ADGRL3: variants seen among roughly 807,000 people sequenced by gnomAD.
The protein encoded by ADGRL3 is adhesion G protein-coupled receptor L3.
ADGRL3 carries 62 observed loss-of-function variants against 153.5 expected under a neutral mutation model. The observed-to-expected ratio is 0.40, with a 90% CI of 0.33 to 0.50. The LOEUF is 0.50. ADGRL3 is among the 20% of genes least tolerant of loss of function. The pLI is 0.47. For synonymous variants in ADGRL3, 710 were observed against 672.5 expected, an observed-to-expected ratio of 1.06 and a Z score of -0.86; for missense variants, 1,641 against 1,859.4, an observed-to-expected ratio of 0.88 and a Z score of 2.16.
At chr4:61,222,158 A>G (rs1305984196) in intron 1 of ADGRL3, among the ~76,000 whole-genome samples, 1 of 152,098 alleles carries the variant, frequency 6.6e-6, no homozygotes, top group East Asian at 1.9e-4. Flanking sequence ...CCTTGTTAAG[A>G]TACTCTTGGG....
At chr4:61,928,791 TG>T in intron 13 of ADGRL3, among the ~76,000 whole-genome samples, 1 of 152,250 alleles carries the variant, frequency 6.6e-6, no homozygotes, top group Non-Finnish European at 1.5e-5. Flanking sequence ...CAGAAGTCTT[TG>T]GGGAGACAGG....
intron 1 of ADGRL3, among the ~76,000 whole-genome samples, chr4:61,298,656 C>T (rs889297368): frequency 1.3e-4 from 20 of 152,196 alleles, no homozygotes; most frequent in African/African-American, 4.1e-4. Context: ...ACAACCATTT[C>T]TACATTAAAA....
At chr4:62,020,487 ATAAG>A (rs897731909) in intron 21 of ADGRL3, among the ~76,000 whole-genome samples, 2 of 152,134 alleles carry the variant, frequency 1.3e-5, no homozygotes, top group African/African-American at 4.8e-5. Flanking sequence ...ATAAATATCA[ATAAG>A]TAAGGTATGT....
intron 13 of ADGRL3, among the ~76,000 whole-genome samples, chr4:61,923,979 G>A (rs2098782627): frequency 6.6e-6 from 1 of 152,086 alleles, no homozygotes; most frequent in Admixed American, 6.6e-5. Context: ...TATGTCCACT[G>A]CAGCAGAAAT....
intron 9 of ADGRL3, among the ~76,000 whole-genome samples, chr4:61,888,134 A>AT (rs2098549885): frequency 1.3e-5 from 2 of 152,216 alleles, no homozygotes; most frequent in Admixed American, 1.3e-4. Flanking sequence ...TTGTTTAGTT[A>AT]TTTTTATGAA....
chr4:61,975,610 C>T (rs2099045188), intron 17 of ADGRL3, among the ~76,000 whole-genome samples: 1 of 152,138 alleles, frequency 6.6e-6, no homozygotes, highest in South Asian at 2.1e-4. Flanking sequence ...AAGAATCTCT[C>T]TGCTCTGCTA....
chr4:61,432,650 CT>C lies in ADGRL3; in HGVS notation c.-174+49464del, dbSNP rs1318009683. 1.5e-4 allele frequency among the ~76,000 whole-genome samples: 6 copies of C among 38,872 alleles called. 1 individual carries two copies. The highest frequency in any genetic ancestry group is 6.4e-4 in the Admixed American group (2 of 3,130). 25.5% of individuals were successfully genotyped at this position (38,872 alleles called of 152,430 possible). ...TCTTTCTTTCTTTCTTTCTTTCTTT[CT>C]TTCTTTTTTTTTTTTTTTTGAGACA... On this transcript the variant is annotated intron_variant, in intron 2 of 26. Coordinates refer to ENST00000683033, the MANE Select transcript of ADGRL3 (RefSeq NM_001387552.1).
intron 6 of ADGRL3, among the ~76,000 whole-genome samples, chr4:61,684,564 A>T (rs1000753648): frequency 6.6e-5 from 10 of 152,102 alleles, no homozygotes; most frequent in African/African-American, 2.4e-4. Context: ...AGATCCCCGT[A>T]AAGACTTTAG....
At chr4:61,646,587 T>C (rs2093997314) in intron 5 of ADGRL3, among the ~76,000 whole-genome samples, 1 of 151,502 alleles carries the variant, frequency 6.6e-6, no homozygotes, top group Non-Finnish European at 1.5e-5. Flanking sequence ...GTTAGGCTGT[T>C]CGGGGGTCAG....
chr4:61,600,323 A>AAAAAAAAAAG (rs1424294355), intron 5 of ADGRL3, among the ~76,000 whole-genome samples: 2 of 151,402 alleles, frequency 1.3e-5, no homozygotes, highest in Non-Finnish European at 2.9e-5. Context: ...AAAAAAAAAA[A>AAAAAAAAAAG]AAGAGGAAAT....
At chr4:61,452,906 A>G (rs1377073780) in intron 2 of ADGRL3, among the ~76,000 whole-genome samples, 1 of 152,274 alleles carries the variant, frequency 6.6e-6, no homozygotes, top group East Asian at 1.9e-4. Context: ...TAAAAAAAAT[A>G]TTGTATAGAC....
chr4:61,981,169 A>G (rs371878428), intron 18 of ADGRL3, among the ~76,000 whole-genome samples: 2 of 152,218 alleles, frequency 1.3e-5, no homozygotes. Flanking sequence ...ACATATTGTC[A>G]TTATTTTTTT....
chr4:62,006,513 G>T (rs534848043), intron 21 of ADGRL3, among the ~76,000 whole-genome samples: 16 of 150,876 alleles, frequency 1.1e-4, no homozygotes, highest in Non-Finnish European at 2.2e-4. Context: ...TCTCAGTGCA[G>T]ATGCTGAGTT....
At chr4:61,469,990 A>C (rs531045249) in intron 2 of ADGRL3, among the ~76,000 whole-genome samples, 1 of 152,100 alleles carries the variant, frequency 6.6e-6, no homozygotes, top group South Asian at 2.1e-4. Flanking sequence ...GCTTTCTATC[A>C]GCCGGATGCT....
At chr4:61,678,220 G>A (rs2095254828) in intron 6 of ADGRL3, among the ~76,000 whole-genome samples, 1 of 151,948 alleles carries the variant, frequency 6.6e-6, no homozygotes, top group Non-Finnish European at 1.5e-5. Flanking sequence ...TACTTGGGTT[G>A]CATAATAAGA....
intron 4 of ADGRL3, among the ~76,000 whole-genome samples, chr4:61,567,061 A>G (rs1659361984): frequency 6.6e-6 from 1 of 152,212 alleles, no homozygotes; most frequent in Admixed American, 6.5e-5. Context: ...CAATTAGTAG[A>G]AAATGCAGGG....
chr4:61,322,050 A>G (rs1403181222), intron 1 of ADGRL3, among the ~76,000 whole-genome samples: 2 of 152,246 alleles, frequency 1.3e-5, no homozygotes, highest in African/African-American at 2.4e-5. Flanking sequence ...TTGGACTTAC[A>G]GTTCCACATG....
intron 1 of ADGRL3, among the ~76,000 whole-genome samples, chr4:61,258,653 A>G (rs140061918): frequency 7.0e-4 from 107 of 152,344 alleles, no homozygotes; most frequent in East Asian, 6.9e-3. Context: ...ATATACAATG[A>G]AATCAGTGAA....
chr4:61,991,484 T>G (rs2099103427), intron 19 of ADGRL3, among the ~76,000 whole-genome samples: 1 of 152,014 alleles, frequency 6.6e-6, no homozygotes, highest in Admixed American at 6.6e-5. Context: ...CTAATGAAAC[T>G]CTTTTAAAAA....
Sources: allele counts gnomAD v4.1 joint callset (sites outside exome capture counted in the v4.1 genomes callset), GRCh38; gene constraint gnomAD v4.1.1; transcripts MANE v1.5; gene names NCBI Gene and HGNC (gene_info 2026-07-23, HGNC 2026-07-21).